PVT1: variants seen among roughly 807,000 people sequenced by gnomAD.
The protein encoded by PVT1 is CXCR4/PVT1 fusion.
chr8:127,901,039 G>C (rs528973525), intron 3 of PVT1, among the ~76,000 whole-genome samples: 5 of 152,348 alleles, frequency 3.3e-5, no homozygotes, highest in Non-Finnish European at 7.3e-5. Context: ...AGAAGCAGCA[G>C]AAAGAACAAA....
intron 2 of PVT1, among the ~76,000 whole-genome samples, chr8:127,799,904 A>G (rs1814442806): frequency 6.6e-6 from 1 of 152,262 alleles, no homozygotes; most frequent in Non-Finnish European, 1.5e-5. Context: ...TGCAAGCATC[A>G]GAAACAAGCC....
At chr8:127,804,103 C>T (rs760659623) in intron 2 of PVT1, among the ~76,000 whole-genome samples, 5 of 152,070 alleles carry the variant, frequency 3.3e-5, no homozygotes, top group Non-Finnish European at 5.9e-5. Flanking sequence ...GTATTCCCAT[C>T]TACTTGGGAG....
chr8:127,918,337 C>G (rs1019302469), intron 3 of PVT1, among the ~76,000 whole-genome samples: 5 of 147,432 alleles, frequency 3.4e-5, no homozygotes, highest in South Asian at 2.2e-4. Flanking sequence ...GATCTTGGAG[C>G]TTGGTATGGC....
intron 4 of PVT1, among the ~76,000 whole-genome samples, chr8:128,017,408 C>T (rs1817386112): frequency 6.6e-6 from 1 of 152,100 alleles, no homozygotes; most frequent in Non-Finnish European, 1.5e-5. Context: ...GTGTTGTCTA[C>T]ACAACTACAT....
At chr8:127,831,147 C>CTATA (rs1299901826) in intron 2 of PVT1, among the ~76,000 whole-genome samples, 16 of 145,336 alleles carry the variant, frequency 1.1e-4, no homozygotes, top group African/African-American at 3.8e-4. Context: ...CTATCTCTCT[C>CTATA]TCTCTCTCTA....
chr8:127,994,442 A>G (rs1253839318), intron 4 of PVT1, among the ~76,000 whole-genome samples: 3 of 152,190 alleles, frequency 2.0e-5, no homozygotes, highest in Non-Finnish European at 4.4e-5. Flanking sequence ...TTGCTGAGAT[A>G]GGCTATGAGG....
chr8:127,940,434 G>A (rs1216334301), intron 3 of PVT1: 1 of 152,156 alleles, frequency 6.6e-6, no homozygotes. Flanking sequence ...GCTCCTTGCT[G>A]GCTGAGTGAC....
intron 3 of PVT1, among the ~76,000 whole-genome samples, chr8:127,927,949 G>A (rs1037776683): frequency 1.3e-5 from 2 of 152,214 alleles, no homozygotes; most frequent in Non-Finnish European, 2.9e-5. Flanking sequence ...TCTCAGTGCG[G>A]TTGGTGGGTG....
At chr8:127,809,047 A>AG (rs1814560879) in intron 2 of PVT1, among the ~76,000 whole-genome samples, 1 of 150,022 alleles carries the variant, frequency 6.7e-6, no homozygotes, top group African/African-American at 2.4e-5. Flanking sequence ...AAAAAAAAAA[A>AG]AAAAAAAAGA....
chr8:128,046,926 C>T (rs1813621571), intron 4 of PVT1, among the ~76,000 whole-genome samples: 1 of 152,194 alleles, frequency 6.6e-6, no homozygotes, highest in African/African-American at 2.4e-5. Flanking sequence ...TGGGGCTCTG[C>T]CTTTCTCATG....
intron 2 of PVT1, among the ~76,000 whole-genome samples, chr8:127,830,354 T>A (rs1470085824): frequency 6.6e-6 from 1 of 151,364 alleles, no homozygotes. Context: ...GTGGTTGGCT[T>A]GGCAGGTGGA....
intron 4 of PVT1, among the ~76,000 whole-genome samples, chr8:128,005,193 G>A (rs909565295): frequency 3.5e-4 from 53 of 151,892 alleles, no homozygotes; most frequent in Admixed American, 3.3e-3. Flanking sequence ...TAATAAGTTT[G>A]ACTGGGAAAC....
At chr8:127,883,083 C>CACAG (rs1416128280) in intron 2 of PVT1, among the ~76,000 whole-genome samples, 1 of 151,634 alleles carries the variant, frequency 6.6e-6, no homozygotes, top group African/African-American at 2.4e-5. Context: ...CACACACACA[C>CACAG]ACAGACACAT....
At chr8:127,805,004 C>T (rs985182802) in intron 2 of PVT1, among the ~76,000 whole-genome samples, 1 of 148,838 alleles carries the variant, frequency 6.7e-6, no homozygotes, top group African/African-American at 2.5e-5. Flanking sequence ...GATCTCGGCT[C>T]ACTGCAACCT....
At chr8:127,973,251 C>CTGG (rs1816783963) in intron 3 of PVT1, among the ~76,000 whole-genome samples, 1 of 152,048 alleles carries the variant, frequency 6.6e-6, no homozygotes, top group Non-Finnish European at 1.5e-5. Flanking sequence ...GTGTGCACAC[C>CTGG]TGGTACCTGA....
At chr8:127,964,912 C>A (rs1816687638) in intron 3 of PVT1, among the ~76,000 whole-genome samples, 1 of 152,204 alleles carries the variant, frequency 6.6e-6, no homozygotes, top group South Asian at 2.1e-4. Context: ...TGTACTGCCT[C>A]AGCCTCCCAC....
At chr8:127,938,915 A>T (rs1816310795) in intron 3 of PVT1, among the ~76,000 whole-genome samples, 1 of 152,244 alleles carries the variant, frequency 6.6e-6, no homozygotes, top group Non-Finnish European at 1.5e-5. Context: ...TGAGGTGCAC[A>T]GGCGGGCATC....
chr8:128,031,494 C>T (rs557802032), intron 4 of PVT1, among the ~76,000 whole-genome samples: 1 of 152,228 alleles, frequency 6.6e-6, no homozygotes, highest in African/African-American at 2.4e-5. Flanking sequence ...GTATTGCGTA[C>T]AAAGCATTAA....
At chr8:127,888,213 T>C (rs1815551155) in intron 2 of PVT1, among the ~76,000 whole-genome samples, 1 of 152,202 alleles carries the variant, frequency 6.6e-6, no homozygotes, top group Non-Finnish European at 1.5e-5. Context: ...GTGCTGGGAT[T>C]ACAGGCGTGA....
Sources: gnomAD v4.1 joint callset for allele counts (sites outside exome capture counted in the v4.1 genomes callset) on GRCh38, gnomAD v4.1.1 for gene constraint, MANE v1.5 for transcripts, NCBI Gene and HGNC (gene_info 2026-07-23, HGNC 2026-07-21) for gene names.